The following AKAP10 variants were observed in gnomAD, a reference collection of about 807,000 sequenced individuals.
AKAP10 encodes the protein A-kinase anchor protein 10, mitochondrial.
A neutral mutation model predicts 80.8 loss-of-function variants in AKAP10; 24 were observed. The observed-to-expected ratio is 0.30, with a 90% CI of 0.22 to 0.42. AKAP10 has a LOEUF of 0.42. Ranked by LOEUF, AKAP10 falls within the 10% of genes least tolerant of loss-of-function variation. The probability of loss-of-function intolerance (pLI) is 1.00; values close to 1 mark genes in which losing one functional copy is unlikely to be tolerated. For synonymous variants in AKAP10, 291 were observed against 277.7 expected (o/e 1.05, Z -0.48); for missense variants, 661 against 794.9 (o/e 0.83, Z 2.03).
intron 12 of AKAP10, among the ~76,000 whole-genome samples, chr17:19,919,332 A>G (rs926461128): frequency 4.6e-5 from 7 of 152,112 alleles, no homozygotes; most frequent in African/African-American, 1.7e-4. Flanking sequence ...TTTTCCACAT[A>G]TATTTCATTA....
In AKAP10 at chr17:19,942,799, A is replaced by C. The variant is rs76310781; in HGVS notation, c.977-889T>G. Among the ~76,000 whole-genome samples the C allele has an allele frequency of 5.3e-3, 810 of 152,272 alleles. 17 individuals are homozygous for C. The East Asian group carries it at 0.074, about 14-fold the overall frequency. ...ACTTTAGTGGGACCTTCATGAAACC[A>C]AGGGATCATACTAGTGTCCTGGTCT... On this transcript the variant is annotated intron_variant, in intron 5 of 14. Coordinates refer to ENST00000225737, the MANE Select transcript of AKAP10 (RefSeq NM_007202.4).
chr17:19,913,664 C>T (rs893341990), intron 12 of AKAP10, among the ~76,000 whole-genome samples: 1 of 152,160 alleles, frequency 6.6e-6, no homozygotes, highest in African/African-American at 2.4e-5. Flanking sequence ...CTTGAAAGTG[C>T]TAAGAAATAT....
rs1396404599 is a variant in AKAP10 at position 19,962,285 on chromosome 17, T to C, written c.319+555A>G. ...CAACATACATACATACATACATACATACATACATATACACACACACACACA... is the reference window on the plus strand; with the variant it reads ...CAACATACATACATACATACATACACACATACATATACACACACACACACA... On this transcript the variant is annotated intron_variant, in intron 3 of 14. Coordinates refer to ENST00000225737, the MANE Select transcript of AKAP10 (RefSeq NM_007202.4). Among the ~76,000 whole-genome samples the C allele has an allele frequency of 2.2e-5, 3 of 134,838 alleles. No individual in the cohort carries two copies. The East Asian group carries it at 6.2e-4, about 28-fold the overall frequency. The allele number at this position is 134,838 out of a possible 152,430, so 88.5% of individuals were successfully genotyped here. A position where few individuals can be genotyped will look rare whatever the true frequency, so the allele number is the denominator to read the frequency against.
At chr17:19,936,569 G>T (rs916005717) in intron 8 of AKAP10, 139 bp from the exon 9 acceptor site, 3 of 814,228 alleles carry the variant, frequency 3.7e-6, no homozygotes, top group African/African-American at 3.5e-5. Flanking sequence ...TGTGATGACA[G>T]TGCTGATGTA....
chr17:19,913,771 G>A (rs1030771837), intron 12 of AKAP10, among the ~76,000 whole-genome samples: 1 of 152,136 alleles, frequency 6.6e-6, no homozygotes, highest in Non-Finnish European at 1.5e-5. Flanking sequence ...GTGGCAAAGG[G>A]CAACCAAGTT....
At chr17:19,947,985 C>CAAAA (rs35869599) in intron 4 of AKAP10, among the ~76,000 whole-genome samples, 2 of 103,250 alleles carry the variant, frequency 1.9e-5, no homozygotes, top group Non-Finnish European at 2.0e-5. Flanking sequence ...GACTCCGTCT[C>CAAAA]AAAAAAAAAA....
intron 1 of AKAP10, among the ~76,000 whole-genome samples, chr17:19,976,622 C>T (rs1326410026): frequency 1.3e-5 from 2 of 151,966 alleles, no homozygotes; most frequent in Non-Finnish European, 2.9e-5. Context: ...CAGGTTCAAG[C>T]GATTCTCCTG....
At chr17:19,943,273 T>G (rs1367963256) in intron 5 of AKAP10, among the ~76,000 whole-genome samples, 1 of 152,178 alleles carries the variant, frequency 6.6e-6, no homozygotes, top group East Asian at 1.9e-4. Flanking sequence ...CTTGTGGCTG[T>G]GGCCTCTAAA....
At chr17:19,931,699 T>C in intron 10 of AKAP10, 106 bp downstream of exon 10, 1 of 1,360,760 alleles carries the variant, frequency 7.3e-7, no homozygotes, top group Non-Finnish European at 9.8e-7. Flanking sequence ...CTTTTATCTT[T>C]TTTTTCCACA....
intron 3 of AKAP10, among the ~76,000 whole-genome samples, chr17:19,959,747 CAA>C (rs780921797): frequency 2.0e-5 from 3 of 152,130 alleles, no homozygotes; most frequent in Non-Finnish European, 4.4e-5. Context: ...ATCAATTTGT[CAA>C]AAGAGTTCTT....
chr17:19,927,950 T>A (rs574048661), intron 10 of AKAP10, among the ~76,000 whole-genome samples: 2 of 150,074 alleles, frequency 1.3e-5, no homozygotes, highest in Admixed American at 6.6e-5. Context: ...CTGGGCCCAA[T>A]GGCTCACGCC....
intron 5 of AKAP10, among the ~76,000 whole-genome samples, chr17:19,945,942 T>C (rs2043099108): frequency 6.6e-6 from 1 of 151,588 alleles, no homozygotes; most frequent in South Asian, 2.1e-4. Flanking sequence ...ACCTAAGGTC[T>C]TCCTGATAAA....
At chr17:19,946,261 ATATATATATATATATTTTTTTTTTT>A (rs1387309085) in intron 5 of AKAP10, among the ~76,000 whole-genome samples, 3 of 25,760 alleles carry the variant, frequency 1.2e-4, no homozygotes, top group African/African-American at 5.0e-4. Context: ...ATATATATAT[ATATATATATATATATTTTTTTTTTT>A]TTTTTTTTTT....
intron 1 of AKAP10, among the ~76,000 whole-genome samples, chr17:19,975,428 G>T (rs1474684085): frequency 6.6e-6 from 1 of 152,068 alleles, no homozygotes; most frequent in Non-Finnish European, 1.5e-5. Context: ...CTCTTGAAGG[G>T]CACCATGCTC....
chr17:19,936,172 G>T, intron 9 of AKAP10, 114 bp downstream of exon 9: 1 of 1,240,176 alleles, frequency 8.1e-7, no homozygotes, highest in Non-Finnish European at 1.1e-6. Context: ...TAATCACTTT[G>T]CTGGACTGCT....
chr17:19,919,500 G>A (rs376775031), intron 12 of AKAP10, among the ~76,000 whole-genome samples: 11 of 152,002 alleles, frequency 7.2e-5, no homozygotes, highest in African/African-American at 1.7e-4. Context: ...CCTAGCCAAC[G>A]TGGTGAAACC....
intron 1 of AKAP10, among the ~76,000 whole-genome samples, chr17:19,970,281 C>T (rs1333163881): frequency 6.6e-6 from 1 of 152,180 alleles, no homozygotes; most frequent in Non-Finnish European, 1.5e-5. Flanking sequence ...CTTCCACATA[C>T]AAACTATGAC....
chr17:19,970,787 T>C lies in AKAP10; in HGVS notation c.89-2326A>G, dbSNP rs1313030897. 7.9e-5 allele frequency among the ~76,000 whole-genome samples: 12 copies of C among 151,916 alleles called. No homozygotes were observed. The East Asian group carries it at 2.1e-3, about 27-fold the overall frequency. ...GCGGTGAGCTGAGATTACACCACTG[T>C]ACCCCAGCCTGGGTGACAGAGCAAG... On this transcript the variant is annotated intron_variant, in intron 1 of 14. Transcript: ENST00000225737.
intron 10 of AKAP10, chr17:19,929,742 G>C (rs1469058675): frequency 1.3e-5 from 2 of 152,198 alleles, no homozygotes; most frequent in Non-Finnish European, 2.9e-5. Flanking sequence ...ACTTTGGGAG[G>C]CCGAGGCAGG....
Sources: allele counts gnomAD v4.1 joint callset (sites outside exome capture counted in the v4.1 genomes callset), GRCh38; gene constraint gnomAD v4.1.1; transcripts MANE v1.5; gene names NCBI Gene and HGNC (gene_info 2026-07-23, HGNC 2026-07-21).